The following NUP58 variants were observed in gnomAD, a reference collection of about 807,000 sequenced individuals.
NUP58 encodes nucleoporin p58/p45.
NUP58 carries 17 observed loss-of-function variants against 70.1 expected under a neutral mutation model. The observed-to-expected ratio is 0.24, with a 90% CI of 0.17 to 0.36. The LOEUF is 0.36. Among genes scored for constraint, NUP58 ranks in the 10% least tolerant of loss-of-function variants. The pLI is 1.00. For missense variants in NUP58, 644 were observed against 701.5 expected (o/e 0.92, Z 0.93); for synonymous variants, 275 against 257.6 (o/e 1.07, Z -0.65).
chr13:25,349,364 A>G (rs2032082371), intron 3 of NUP58, among the ~76,000 whole-genome samples: 2 of 152,234 alleles, frequency 1.3e-5, no homozygotes, highest in Admixed American at 6.5e-5. Flanking sequence ...ATCACTTGGT[A>G]GCTCTAGTTA....
chr13:25,313,552 A>T (rs2030778174), intron 4 of NUP58, 62 bp from the exon 5 acceptor site: 4 of 1,349,594 alleles, frequency 3.0e-6, no homozygotes, highest in Non-Finnish European at 3.9e-6. Context: ...TCGTATTTGT[A>T]TTTTTCTATG....
intron 5 of NUP58, among the ~76,000 whole-genome samples, chr13:25,314,423 C>T (rs9553580): frequency 0.4 from 60,163 of 151,744 alleles, 13,960 homozygotes; most frequent in East Asian, 0.57. Context: ...AGGCTGGACA[C>T]GGTGGCTCAC....
intron 1 of NUP58, among the ~76,000 whole-genome samples, chr13:25,304,520 A>ATGT (rs1346828407): frequency 1.1e-5 from 1 of 93,272 alleles, no homozygotes; most frequent in South Asian, 3.5e-4. Flanking sequence ...ATATATATGT[A>ATGT]TTTTTTTTTT....
intron 12 of NUP58, 119 bp downstream of exon 12, chr13:25,327,631 A>G (rs182580993): frequency 7.0e-5 from 42 of 604,182 alleles, no homozygotes; most frequent in African/African-American, 6.7e-4. Context: ...AAGTGAAAAG[A>G]TGAAAACTAC....
chr13:25,307,986 T>C (rs979691144), intron 2 of NUP58, 38 bp downstream of exon 2: 9 of 1,606,080 alleles, frequency 5.6e-6, no homozygotes, highest in East Asian at 2.2e-5. Flanking sequence ...AGAGTAGGCT[T>C]GGGATATTCT....
chr13:25,313,723 T>C lies in NUP58; in HGVS notation c.546T>C (p.Leu182=). The change falls in exon 5 of 16, where the codon CTT becomes CTC. Residue 182 remains leucine (L), a synonymous_variant. Coordinates refer to ENST00000381736, the MANE Select transcript of NUP58 (RefSeq NM_014089.4). The part of the protein sequence containing the change: ...GGALAGLGGS[L]FQSTNTGTSG... ...CCTTAGCTGGTTTGGGAGGTTCACT[T>C]TTCCAGAGTACAAACACAGGAACAT... 1 of 1,532,798 alleles carries C rather than the reference T, an allele frequency of 6.5e-7. No homozygotes were observed. Among genetic ancestry groups the C allele is most frequent in the Non-Finnish European group, 8.7e-7 (1 of 1,152,714 alleles). 94.9% of individuals were successfully genotyped at this position (1,532,798 alleles called of 1,614,324 possible).
rs766226745 is a variant in NUP58 at position 25,313,707 on chromosome 13, G to A, written c.530G>A (p.Gly177Asp). The A allele has an allele frequency of 2.2e-5, 33 of 1,532,940 alleles. No individual in the cohort carries two copies. The highest frequency in any genetic ancestry group is 2.9e-5 in the Non-Finnish European group (33 of 1,152,940). 95.0% of individuals were successfully genotyped at this position (1,532,940 alleles called of 1,614,324 possible). A position where few individuals can be genotyped will look rare whatever the true frequency, so the allele number is the denominator to read the frequency against. ...CTCTCTTTAGGGGGAGCCTTAGCTG[G>A]TTTGGGAGGTTCACTTTTCCAGAGT... is the stretch of plus-strand genomic sequence containing the variant. ...TGLSLGGALAGLGGSLFQSTN... is the reference protein window; with the variant it reads ...TGLSLGGALADLGGSLFQSTN... Residue 177 changes from glycine to aspartate, a missense_variant, in exon 5 of 16, where the codon GGT (glycine) becomes GAT (aspartate). By Grantham distance (94) the Gly-to-Asp change is moderately conservative. Transcript: ENST00000381736.
intron 3 of NUP58, among the ~76,000 whole-genome samples, chr13:25,311,933 A>G (rs893246733): frequency 1.3e-5 from 2 of 152,124 alleles, no homozygotes; most frequent in African/African-American, 4.8e-5. Context: ...GAACTGAGCA[A>G]GGTTGGAGAT....
At chr13:25,304,039 A>G (rs2030167303) in intron 1 of NUP58, among the ~76,000 whole-genome samples, 1 of 152,172 alleles carries the variant, frequency 6.6e-6, no homozygotes, top group Non-Finnish European at 1.5e-5. Flanking sequence ...GAGGTTGGTC[A>G]TTTTAGGGGA....
At chr13:25,335,115 C>T (rs1031322475) in intron 13 of NUP58, 2 of 985,070 alleles carry the variant, frequency 2.0e-6, no homozygotes, top group Non-Finnish European at 2.4e-6. Flanking sequence ...TATACATTTG[C>T]CTACGAGTTT....
At chr13:25,315,536 T>G (rs755827718) in intron 6 of NUP58, 69 bp downstream of exon 6, 5 of 1,067,664 alleles carry the variant, frequency 4.7e-6, no homozygotes, top group Non-Finnish European at 7.1e-6. Flanking sequence ...TGCTCAAAAT[T>G]CCTTTGTGTG....
chr13:25,306,759 T>C (rs1465705406), intron 1 of NUP58, among the ~76,000 whole-genome samples: 1 of 152,240 alleles, frequency 6.6e-6, no homozygotes, highest in African/African-American at 2.4e-5. Flanking sequence ...CACCTTTTCA[T>C]AGCAAATCTG....
chr13:25,334,444 G>A (rs1271039217), intron 13 of NUP58: 1 of 985,348 alleles, frequency 1.0e-6, no homozygotes, highest in Non-Finnish European at 1.2e-6. Context: ...TTTTAGCTTA[G>A]TGTAGGTTTG....
chr13:25,337,097 T>TAA, intron 14 of NUP58, 63 bp downstream of exon 14: 3 of 1,079,072 alleles, frequency 2.8e-6, no homozygotes, highest in Non-Finnish European at 3.9e-6. Flanking sequence ...TACTAGCCTG[T>TAA]AAAAAAAAAT....
chr13:25,334,530 G>C (rs2031716753), intron 13 of NUP58: 1 of 985,118 alleles, frequency 1.0e-6, no homozygotes, highest in Non-Finnish European at 1.2e-6. Flanking sequence ...TGATTTTGTT[G>C]TATTTAATAA....
chr13:25,348,121 T>C (rs1417479401), intron 3 of NUP58, among the ~76,000 whole-genome samples: 1 of 152,238 alleles, frequency 6.6e-6, no homozygotes, highest in Non-Finnish European at 1.5e-5. Context: ...ACTGAACTTT[T>C]AACTTTAATT....
intron 3 of NUP58, among the ~76,000 whole-genome samples, chr13:25,312,048 T>C (rs1263120008): frequency 6.6e-6 from 1 of 152,092 alleles, no homozygotes; most frequent in East Asian, 1.9e-4. Context: ...CTTAATCACC[T>C]GTAGGAGAAA....
At chr13:25,345,482 G>A (rs1389796996), downstream of NUP58, among the ~76,000 whole-genome samples, 7 of 146,984 alleles carry the variant, frequency 4.8e-5, no homozygotes, top group Middle Eastern at 3.4e-3. Context: ...AAAGAAGCAA[G>A]AGCCGGACTT....
At chr13:25,332,760 C>T in intron 13 of NUP58, 1 of 985,414 alleles carries the variant, frequency 1.0e-6, no homozygotes, top group Non-Finnish European at 1.2e-6. Context: ...TCTGGTAGCT[C>T]TCTAGCTGGC....
Sources: allele counts gnomAD v4.1 joint callset (sites outside exome capture counted in the v4.1 genomes callset), GRCh38; gene constraint gnomAD v4.1.1; transcripts MANE v1.5; gene names NCBI Gene and HGNC (gene_info 2026-07-23, HGNC 2026-07-21).